TAF1: variants seen among roughly 807,000 people sequenced by gnomAD.
The protein encoded by TAF1 is TATA-box binding protein associated factor 1.
A neutral mutation model predicts 138.5 loss-of-function variants in TAF1; 2 were observed. The ratio of observed to expected loss-of-function variants is 0.01; its 90% confidence interval spans 0.01 to 0.05. The LOEUF (loss-of-function observed/expected upper bound fraction) is 0.05, where lower values mean the gene tolerates loss of function less well. Ranked by LOEUF, TAF1 falls within the 10% of genes least tolerant of loss-of-function variation. TAF1 has a pLI of 1.00. For missense variants in TAF1, 709 were observed against 1,478.0 expected (o/e 0.48, Z 8.53); for synonymous variants, 437 against 503.2 (o/e 0.87, Z 1.76).
intron 32 of TAF1, 150 bp from the exon 33 acceptor site, chrX:71,454,020 T>C (rs1361574431): frequency 2.2e-6 from 1 of 446,192 alleles, no homozygotes; most frequent in Non-Finnish European, 3.9e-6. Flanking sequence ...GTTTGGAATT[T>C]TCTGCCTCTG....
At chrX:71,515,137 C>T (rs181289863) in intron 13 of TAF1, among the ~76,000 whole-genome samples, 2 of 111,714 alleles carry the variant, frequency 1.8e-5, no homozygotes, top group East Asian at 2.8e-4. Context: ...GCCCCAGAGA[C>T]CAGTTACAGG....
intron 13 of TAF1, among the ~76,000 whole-genome samples, chrX:71,509,838 G>T (rs2039699567): frequency 9.0e-6 from 1 of 110,509 alleles, no homozygotes; most frequent in Non-Finnish European, 1.9e-5. Flanking sequence ...TGGGTGTGGT[G>T]GTGCATACCT....
At chrX:71,467,604 T>C (rs1168927074), downstream of TAF1, among the ~76,000 whole-genome samples, 2 of 112,027 alleles carry the variant, frequency 1.8e-5, no homozygotes, top group African/African-American at 3.2e-5. Flanking sequence ...TTTAACCATA[T>C]GAAAAACATT....
chrX:71,451,790 G>C (rs1207762479), intron 32 of TAF1, among the ~76,000 whole-genome samples: 1 of 110,697 alleles, frequency 9.0e-6, no homozygotes, highest in Non-Finnish European at 1.9e-5. Flanking sequence ...CACAGGGTTG[G>C]GGGTAAGGTC....
chrX:71,411,523 A>C (rs1325098796), intron 28 of TAF1, among the ~76,000 whole-genome samples: 1 of 112,012 alleles, frequency 8.9e-6, no homozygotes, highest in Non-Finnish European at 1.9e-5. Context: ...TAATCCAGTT[A>C]TATCTAACGT....
Position 71,464,215 on chromosome X carries a change from T to G in TAF1, c.*169T>G. 1 of 473,920 alleles carries G rather than the reference T, an allele frequency of 2.1e-6. No individual in the cohort carries two copies. Among genetic ancestry groups the G allele is most frequent in the Non-Finnish European group, 3.5e-6 (1 of 283,758 alleles). The allele number at this position is 473,920 out of a possible 1,213,427, so 39.1% of individuals were successfully genotyped here. On this transcript the variant is annotated 3_prime_UTR_variant, in exon 38 of 38. Transcript: ENST00000423759. The stretch of plus-strand genomic sequence containing the variant: ...GTAAATGATAATAAATCACCTCTCC[T>G]AATCTTCCTGGGGCAATGTCACCCT...
chrX:71,496,822 T>TC (rs904166080), intron 13 of TAF1, among the ~76,000 whole-genome samples: 2 of 110,987 alleles, frequency 1.8e-5, no homozygotes, highest in Non-Finnish European at 1.9e-5. Context: ...TTTCTGTCTC[T>TC]CCCCCCCAAC....
rs763710015 is a variant in TAF1, at chrX:71,388,134, C to T, written c.2428-103C>T. On this transcript the variant is annotated intron_variant, in intron 15 of 37. Coordinates refer to ENST00000423759, the MANE Select transcript of TAF1 (RefSeq NM_004606.5). ...AGGCTGTGTGGGTTTGGGAGCACAT[C>T]GGGAAAGATGAAAATACATTAGAGC... 18 of 1,086,356 alleles carry T rather than the reference C, an allele frequency of 1.7e-5. No homozygotes were observed. In the East Asian group the frequency reaches 2.5e-4, roughly 15 times the overall value. The allele number at this position is 1,086,356 out of a possible 1,213,427, so 89.5% of individuals were successfully genotyped here.
intron 13 of TAF1, among the ~76,000 whole-genome samples, chrX:71,495,642 G>A (rs2039382946): frequency 8.9e-6 from 1 of 111,920 alleles, no homozygotes; most frequent in South Asian, 3.7e-4. Context: ...GTCTATTTGG[G>A]ATTGTAGGGT....
At chrX:71,512,909 A>T (rs1041840934) in intron 13 of TAF1, among the ~76,000 whole-genome samples, 11 of 112,554 alleles carry the variant, frequency 9.8e-5, no homozygotes, top group Non-Finnish European at 2.1e-4. Context: ...TTCAACGAGG[A>T]AGGAATGATC....
intron 13 of TAF1, among the ~76,000 whole-genome samples, chrX:71,475,972 A>G (rs752975104): frequency 9.0e-6 from 1 of 111,301 alleles, no homozygotes; most frequent in Non-Finnish European, 1.9e-5. Flanking sequence ...TCCCGCTTTC[A>G]CCATGTAACA....
At chrX:71,410,454 C>CTTTTTTTT (rs57027102) in intron 28 of TAF1, among the ~76,000 whole-genome samples, 180 of 70,553 alleles carry the variant, frequency 2.6e-3, no homozygotes, top group African/African-American at 4.8e-3. Context: ...TTTCTTTTTT[C>CTTTTTTTT]TTTTTTTTTT....
chrX:71,485,583 A>AT (rs1327107884), intron 13 of TAF1, among the ~76,000 whole-genome samples: 1 of 111,531 alleles, frequency 9.0e-6, no homozygotes, highest in African/African-American at 3.3e-5. Context: ...TTAGATTTGC[A>AT]TTTTTCTCAT....
intron 13 of TAF1, among the ~76,000 whole-genome samples, chrX:71,507,562 A>ATTTTTTTTT (rs766297435): frequency 0.016 from 1,741 of 110,578 alleles, 41 homozygotes; most frequent in African/African-American, 0.054. Flanking sequence ...AATGCATCAA[A>ATTTTTTTTT]TGCATAGAGG....
chrX:71,440,263 G>T (rs1211399898), intron 32 of TAF1, among the ~76,000 whole-genome samples: 1 of 111,851 alleles, frequency 8.9e-6, no homozygotes, highest in Non-Finnish European at 1.9e-5. Flanking sequence ...CTAAATTGTT[G>T]TATCAGTAGT....
intron 20 of TAF1, 102 bp from the exon 21 acceptor site, chrX:71,393,196 GGCT>G: frequency 3.6e-6 from 4 of 1,111,159 alleles, no homozygotes; most frequent in Non-Finnish European, 4.7e-6. Flanking sequence ...TGTGTACATT[GGCT>G]TGTCCTTTGA....
chrX:71,464,074 C>T lies in TAF1; in HGVS notation c.*28C>T, dbSNP rs944856523. The T allele has an allele frequency of 8.7e-7, 1 of 1,145,144 alleles. No homozygotes were observed. The highest frequency in any genetic ancestry group is 1.2e-6 in the Non-Finnish European group (1 of 852,450). 94.4% of individuals were successfully genotyped at this position (1,145,144 alleles called of 1,213,427 possible). On this transcript the variant is annotated 3_prime_UTR_variant, in exon 38 of 38. Coordinates refer to ENST00000423759, the MANE Select transcript of TAF1 (RefSeq NM_004606.5). ...CTTCCTTTGGGCCTCCTTGGTCAGC[C>T]TTCCCTGTTCTCCAGCCTAGGTGGT...
At chrX:71,452,931 C>T (rs775916733) in intron 32 of TAF1, among the ~76,000 whole-genome samples, 139 of 112,155 alleles carry the variant, frequency 1.2e-3, no homozygotes, top group Non-Finnish European at 2.0e-3. Context: ...CGTGGTGGCG[C>T]GCGCCTGCAA....
chrX:71,368,298 TC>T, intron 3 of TAF1, 128 bp downstream of exon 3: 1 of 623,424 alleles, frequency 1.6e-6, no homozygotes, highest in Non-Finnish European at 2.4e-6. Flanking sequence ...CTTTGGCTCC[TC>T]CACTCCCTTT....
Sources: allele counts gnomAD v4.1 joint callset (sites outside exome capture counted in the v4.1 genomes callset), GRCh38; gene constraint gnomAD v4.1.1; transcripts MANE v1.5; gene names NCBI Gene and HGNC (gene_info 2026-07-23, HGNC 2026-07-21).